Variants in PCDHA6 observed in about 807,000 individuals in gnomAD.
PCDHA6 encodes protocadherin alpha 6.
A neutral mutation model predicts 60.3 loss-of-function variants in PCDHA6; 55 were observed. That is an observed-to-expected ratio of 0.91 (90% CI 0.73 to 1.14). PCDHA6 has a LOEUF of 1.14. Ranked by LOEUF, PCDHA6 falls within the 50% of genes most tolerant of loss-of-function variation. PCDHA6 has a pLI of 0.00. For missense variants in PCDHA6, 1,327 were observed against 1,256.5 expected, an observed-to-expected ratio of 1.06 and a Z score of -0.85; for synonymous variants, 652 against 557.9, an observed-to-expected ratio of 1.17 and a Z score of -2.38.
intron 1 of PCDHA6, chr5:140,875,728 G>T: frequency 6.2e-7 from 1 of 1,614,238 alleles, no homozygotes; most frequent in East Asian, 2.2e-5. Flanking sequence ...CATTTTGTTT[G>T]TGAATTCTCG....
rs182361197 is a variant in PCDHA6, at chr5:140,979,956, T to G, written c.2453+949T>G. 2.0e-5 allele frequency among the ~76,000 whole-genome samples: 3 copies of G among 152,378 alleles called. No homozygotes were observed. In the East Asian group the frequency reaches 5.8e-4, roughly 29 times the overall value. ...GTGTAGAGTTAATGTGAAATTAGTT[T>G]TAGCCCATTAAAATGCATTAGATTG... On this transcript the variant is annotated intron_variant, in intron 2 of 3. Transcript: ENST00000529310.
At chr5:140,836,291 C>G (rs1774343401) in intron 1 of PCDHA6, 2 of 1,613,720 alleles carry the variant, frequency 1.2e-6, no homozygotes. Context: ...CGACACGAGC[C>G]CTAGATGAGA....
chr5:140,966,259 G>A (rs1358322921), intron 1 of PCDHA6: 1 of 340,612 alleles, frequency 2.9e-6, no homozygotes, highest in Non-Finnish European at 5.3e-6. Context: ...AGACGGTGGA[G>A]ACTGGATGAA....
chr5:140,889,541 ATTTAC>A (rs1434823292), intron 1 of PCDHA6, among the ~76,000 whole-genome samples: 9 of 151,878 alleles, frequency 5.9e-5, no homozygotes, highest in African/African-American at 2.2e-4. Context: ...TTCCTGTCTA[ATTTAC>A]TTTTCTTCAG....
At chr5:140,992,152 A>G (rs1440263664) in intron 3 of PCDHA6, among the ~76,000 whole-genome samples, 2 of 152,004 alleles carry the variant, frequency 1.3e-5, no homozygotes, top group Non-Finnish European at 2.9e-5. Context: ...ACTTTGCTCA[A>G]TCAAGAAGTG....
rs2096607447 is a variant in PCDHA6, at chr5:140,973,909, C to T, written c.2395-5040C>T. 2.0e-5 allele frequency among the ~76,000 whole-genome samples: 3 copies of T among 152,194 alleles called. 1 individual carries two copies. The highest frequency in any genetic ancestry group is 2.0e-4 in the Admixed American group (3 of 15,280). On this transcript the variant is annotated intron_variant, in intron 1 of 3. Coordinates refer to ENST00000529310, the MANE Select transcript of PCDHA6 (RefSeq NM_018909.4). ...ATTTGCAAATGTTTGAGGAAACATT[C>T]CTGTCACCAAACCCAGAGGTTTAGC...
intron 1 of PCDHA6, among the ~76,000 whole-genome samples, chr5:140,974,729 G>C (rs1007565470): frequency 2.6e-5 from 4 of 152,032 alleles, no homozygotes; most frequent in African/African-American, 9.7e-5. Flanking sequence ...TCGAACTCCT[G>C]TCTCCACCTT....
At chr5:140,975,634 A>G (rs1457671890) in intron 1 of PCDHA6, among the ~76,000 whole-genome samples, 4 of 152,244 alleles carry the variant, frequency 2.6e-5, no homozygotes, top group African/African-American at 9.6e-5. Context: ...TGGTACGAAG[A>G]TAGCATATTA....
intron 1 of PCDHA6, chr5:140,871,029 G>A (rs782042665): frequency 1.9e-6 from 3 of 1,613,228 alleles, no homozygotes; most frequent in Non-Finnish European, 2.5e-6. Flanking sequence ...CAGACTCGCC[G>A]CGCCACCGAC....
intron 1 of PCDHA6, among the ~76,000 whole-genome samples, chr5:140,971,325 T>C (rs1273585971): frequency 3.9e-5 from 6 of 152,190 alleles, no homozygotes; most frequent in African/African-American, 1.4e-4. Context: ...AGGGAGAAAA[T>C]TATTTCAGAA....
chr5:140,885,385 T>C (rs2060578484), intron 1 of PCDHA6, among the ~76,000 whole-genome samples: 1 of 152,194 alleles, frequency 6.6e-6, no homozygotes, highest in South Asian at 2.1e-4. Flanking sequence ...TGGCAGTCCC[T>C]GCAAATCTAA....
At chr5:140,876,907 G>A (rs782597420) in intron 1 of PCDHA6, 1 of 1,614,022 alleles carries the variant, frequency 6.2e-7, no homozygotes, top group Admixed American at 1.7e-5. Flanking sequence ...CACGGTGTCG[G>A]CATGGGACGC....
intron 1 of PCDHA6, among the ~76,000 whole-genome samples, chr5:140,920,983 T>C (rs1472212249): frequency 6.6e-6 from 1 of 152,106 alleles, no homozygotes; most frequent in Non-Finnish European, 1.5e-5. Context: ...AATATTGTAT[T>C]TGCTTATTTT....
chr5:140,855,718 G>T (rs1468611504), intron 1 of PCDHA6, among the ~76,000 whole-genome samples: 1 of 149,568 alleles, frequency 6.7e-6, no homozygotes, highest in Non-Finnish European at 1.5e-5. Flanking sequence ...AACATTTATT[G>T]TTATTAACTA....
intron 1 of PCDHA6, chr5:140,836,486 C>T: frequency 6.2e-7 from 1 of 1,613,874 alleles, no homozygotes; most frequent in Non-Finnish European, 8.5e-7. Context: ...TGTACCTGAT[C>T]ATCGCCATCT....
At position 140,828,403 on chromosome 5, in the gene PCDHA6, C is replaced by T. The variant is rs2150154987; in HGVS notation, c.312C>T (p.Ile104=). ...GCGGGCGGAGCGCGGAGTGCAGCAT[C>T]CACCTGGAGGTGATCGTGGACAGGC... ...ELCGRSAECS[I]HLEVIVDRPL... Residue 104 remains isoleucine, a synonymous_variant, in exon 1 of 4, where the codon ATC becomes ATT. Coordinates refer to ENST00000529310, the MANE Select transcript of PCDHA6 (RefSeq NM_018909.4). The T allele has an allele frequency of 6.2e-7, 1 of 1,614,256 alleles. No individual in the cohort carries two copies. Among genetic ancestry groups the T allele is most frequent in the South Asian group, 1.1e-5 (1 of 91,090 alleles).
At chr5:140,859,929 A>C (rs568538695) in intron 1 of PCDHA6, 3 of 152,046 alleles carry the variant, frequency 2.0e-5, no homozygotes, top group African/African-American at 7.2e-5. Context: ...TAATATAAAA[A>C]ACTTAGTAAA....
At chr5:140,842,869 G>A (rs1562404536) in intron 1 of PCDHA6, 1 of 1,594,118 alleles carries the variant, frequency 6.3e-7, no homozygotes, top group Non-Finnish European at 8.6e-7. Context: ...AGAGCGGCAA[G>A]GTGTACGCGC....
intron 3 of PCDHA6, among the ~76,000 whole-genome samples, chr5:141,004,011 CT>C (rs1220756747): frequency 2.6e-4 from 40 of 152,200 alleles, no homozygotes; most frequent in African/African-American, 9.4e-4. Context: ...GGAGGCAGCA[CT>C]GAAAGAAGAA....
Sources: allele counts gnomAD v4.1 joint callset (sites outside exome capture counted in the v4.1 genomes callset), GRCh38; gene constraint gnomAD v4.1.1; transcripts MANE v1.5; gene names NCBI Gene and HGNC (gene_info 2026-07-23, HGNC 2026-07-21).